Variants in GRIN3A observed in about 807,000 individuals in gnomAD.
GRIN3A encodes glutamate ionotropic receptor NMDA type subunit 3A.
In GRIN3A, 47 loss-of-function variants were observed where a neutral mutation model predicts 92.4. That is an observed-to-expected ratio of 0.51 (90% confidence interval 0.40 to 0.65). The LOEUF is 0.65. Ranked by LOEUF, GRIN3A falls within the 30% of genes least tolerant of loss-of-function variation. The probability of loss-of-function intolerance (pLI) is 0.00; values close to 1 mark genes in which losing one functional copy is unlikely to be tolerated. For missense variants in GRIN3A, 1,324 were observed against 1,393.1 expected, an observed-to-expected ratio of 0.95 and a Z score of 0.79; for synonymous variants, 527 against 540.6, an observed-to-expected ratio of 0.97 and a Z score of 0.35.
intron 1 of GRIN3A, among the ~76,000 whole-genome samples, chr9:101,704,766 G>A (rs184649921): frequency 2.6e-4 from 39 of 152,276 alleles, no homozygotes; most frequent in Admixed American, 1.5e-3. Flanking sequence ...ATGATGTTTG[G>A]TAGGTTAGGT....
intron 4 of GRIN3A, among the ~76,000 whole-genome samples, chr9:101,624,688 T>A (rs1828607620): frequency 6.6e-6 from 1 of 152,180 alleles, no homozygotes; most frequent in South Asian, 2.1e-4. Context: ...TAAACATACA[T>A]GTGCATGTGT....
Position 101,652,116 on chromosome 9 carries a change from G to GGGACGGTGCCATGA in GRIN3A, c.2352+17930_2352+17943dup, listed in dbSNP as rs1453916217. Among the ~76,000 whole-genome samples the GGGACGGTGCCATGA allele has an allele frequency of 2.6e-5, 4 of 152,120 alleles. No homozygotes were observed. In the East Asian group the frequency reaches 7.8e-4, roughly 30 times the overall value. ...ACATACATTATTTCATAATTGTCTG[G>GGGACGGTGCCATGA]GGACGGTGCCATGAGGAGTCATAAT... On this transcript the variant is annotated intron_variant, in intron 3 of 8. Coordinates refer to ENST00000361820, the MANE Select transcript of GRIN3A (RefSeq NM_133445.3).
chr9:101,720,325 ATTAAG>A (rs1185860374), intron 1 of GRIN3A, among the ~76,000 whole-genome samples: 2 of 152,228 alleles, frequency 1.3e-5, no homozygotes, highest in African/African-American at 2.4e-5. Context: ...TGAAGTCTGT[ATTAAG>A]TTTTTTAAAT....
At chr9:101,673,145 T>C (rs1829351478) in intron 2 of GRIN3A, among the ~76,000 whole-genome samples, 1 of 152,156 alleles carries the variant, frequency 6.6e-6, no homozygotes, top group Non-Finnish European at 1.5e-5. Flanking sequence ...GTTTGAGGCT[T>C]AATGATTATA....
In GRIN3A at chr9:101,671,046, TG is replaced by T; in HGVS notation, c.1365del (p.Ile456SerfsTer60). On this transcript the variant is annotated frameshift_variant, in exon 3 of 9. Transcript: ENST00000361820. LOFTEE classifies it high-confidence loss of function. ...LSGSIRVKGS[T>X]IVSSENNFFI... ...AAAAAGTTGTTTTCTGAGCTGACGA[TG>T]GTGGAACCTTTTACTCTGATGGAAC... 1 of 1,613,994 alleles carries T rather than the reference TG, an allele frequency of 6.2e-7. No individual in the cohort carries two copies. The highest frequency in any genetic ancestry group is 8.5e-7 in the Non-Finnish European group (1 of 1,179,890).
intron 2 of GRIN3A, among the ~76,000 whole-genome samples, chr9:101,681,390 C>A (rs1332517111): frequency 6.6e-6 from 1 of 152,150 alleles, no homozygotes; most frequent in African/African-American, 2.4e-5. Context: ...AGTTGACATC[C>A]GCTCTGCATA....
chr9:101,678,636 T>G (rs1376628496), intron 2 of GRIN3A, among the ~76,000 whole-genome samples: 2 of 152,144 alleles, frequency 1.3e-5, no homozygotes, highest in East Asian at 3.9e-4. Context: ...AACTGTAGGG[T>G]GGAAGGAGAG....
At chr9:101,575,591 A>C (rs1827815426) in intron 8 of GRIN3A, among the ~76,000 whole-genome samples, 1 of 152,204 alleles carries the variant, frequency 6.6e-6, no homozygotes, top group Non-Finnish European at 1.5e-5. Flanking sequence ...CTTTGCATTA[A>C]ATGAGAAAGG....
At chr9:101,577,637 A>G in intron 8 of GRIN3A, 131 bp downstream of exon 8, 1 of 739,990 alleles carries the variant, frequency 1.4e-6, no homozygotes, top group Non-Finnish European at 2.4e-6. Context: ...TTTTTATTTT[A>G]TGTTTTATTT....
chr9:101,674,930 A>G (rs779818141), intron 2 of GRIN3A, among the ~76,000 whole-genome samples: 16 of 152,020 alleles, frequency 1.1e-4, no homozygotes, highest in Non-Finnish European at 2.2e-4. Context: ...ATGACATTGG[A>G]TTTTATTTTA....
At chr9:101,655,057 CA>C (rs1829067538) in intron 3 of GRIN3A, among the ~76,000 whole-genome samples, 1 of 151,862 alleles carries the variant, frequency 6.6e-6, no homozygotes, top group African/African-American at 2.4e-5. Flanking sequence ...TATGACTAGG[CA>C]TTCAATATAG....
intron 3 of GRIN3A, among the ~76,000 whole-genome samples, chr9:101,649,155 G>A (rs910181840): frequency 6.6e-6 from 1 of 151,988 alleles, no homozygotes; most frequent in Non-Finnish European, 1.5e-5. Flanking sequence ...TTCACAGTCC[G>A]GTAAAGACTA....
chr9:101,680,826 T>G (rs1242956083), intron 2 of GRIN3A, among the ~76,000 whole-genome samples: 2 of 152,206 alleles, frequency 1.3e-5, no homozygotes, highest in Non-Finnish European at 1.5e-5. Flanking sequence ...AATTAATCAC[T>G]GACTACTTGA....
intron 6 of GRIN3A, among the ~76,000 whole-genome samples, chr9:101,587,407 A>C (rs1827963997): frequency 6.6e-6 from 1 of 152,282 alleles, no homozygotes; most frequent in South Asian, 2.1e-4. Context: ...CGAGGTGTGA[A>C]TATAACTTCT....
intron 1 of GRIN3A, among the ~76,000 whole-genome samples, chr9:101,735,662 A>G (rs1223533992): frequency 6.6e-6 from 1 of 151,934 alleles, no homozygotes; most frequent in African/African-American, 2.4e-5. Flanking sequence ...AGAAGCAATG[A>G]TAAGAAGCAA....
chr9:101,613,548 A>C, intron 5 of GRIN3A, 21 bp from the exon 6 acceptor site: 2 of 1,613,348 alleles, frequency 1.2e-6, no homozygotes, highest in Non-Finnish European at 1.7e-6. Context: ...ATACAATCTC[A>C]GATGAGTTTT....
chr9:101,738,046 C>G lies in GRIN3A; in HGVS notation c.-67G>C. 1 of 1,353,344 alleles carries G rather than the reference C, an allele frequency of 7.4e-7. No homozygotes were observed. The highest frequency in any genetic ancestry group is 1.0e-6 in the Non-Finnish European group (1 of 982,472). The allele number at this position is 1,353,344 out of a possible 1,614,324, so 83.8% of individuals were successfully genotyped here. A position where few individuals can be genotyped will look rare whatever the true frequency, so the allele number is the denominator to read the frequency against. ...CGGCTCGCCCCTCTGCAGCCGCTGC[C>G]TGAGGTCTCCGCCTCCAGGTCCCGC... On this transcript the variant is annotated 5_prime_UTR_variant, in exon 1 of 9. Coordinates refer to ENST00000361820, the MANE Select transcript of GRIN3A (RefSeq NM_133445.3).
At chr9:101,632,236 C>G (rs1828724585) in intron 3 of GRIN3A, among the ~76,000 whole-genome samples, 1 of 152,216 alleles carries the variant, frequency 6.6e-6, no homozygotes, top group African/African-American at 2.4e-5. Context: ...AAAACCTTCA[C>G]TGACCCCTAG....
At chr9:101,583,979 C>T (rs1463399986) in intron 6 of GRIN3A, among the ~76,000 whole-genome samples, 1 of 152,346 alleles carries the variant, frequency 6.6e-6, no homozygotes, top group Non-Finnish European at 1.5e-5. Flanking sequence ...GCCTCAGCCT[C>T]CCAAGTAGCT....
Sources: gnomAD v4.1 joint callset for allele counts (sites outside exome capture counted in the v4.1 genomes callset) on GRCh38, gnomAD v4.1.1 for gene constraint, MANE v1.5 for transcripts, NCBI Gene and HGNC (gene_info 2026-07-23, HGNC 2026-07-21) for gene names.